Variants in ANKRD17 observed in about 807,000 individuals in gnomAD.
ANKRD17 encodes ankyrin repeat domain 17, also known as ankyrin repeat domain-containing protein 17.
ANKRD17 carries 19 observed loss-of-function variants against 229.7 expected under a neutral mutation model. That is an observed-to-expected ratio of 0.08 (90% CI 0.06 to 0.12). The LOEUF (loss-of-function observed/expected upper bound fraction) is 0.12. Ranked by LOEUF, ANKRD17 falls within the 10% of genes least tolerant of loss-of-function variation. ANKRD17 has a pLI of 1.00. For synonymous variants in ANKRD17, 1,112 were observed against 1,146.1 expected, an observed-to-expected ratio of 0.97 and a Z score of 0.60; for missense variants, 2,176 against 3,176.8, an observed-to-expected ratio of 0.68 and a Z score of 7.57.
Position 73,097,980 on chromosome 4 carries a change from CA to C in ANKRD17, c.5021+92del, listed in dbSNP as rs1723505794. 7.4e-6 allele frequency: 9 copies of C among 1,208,658 alleles called. No individual in the cohort carries two copies. The South Asian group carries it at 1.4e-4, about 19-fold the overall frequency. The allele number at this position is 1,208,658 out of a possible 1,614,324, so 74.9% of individuals were successfully genotyped here. A position where few individuals can be genotyped will look rare whatever the true frequency, so the allele number is the denominator to read the frequency against. On this transcript the variant is annotated intron_variant, in intron 26 of 33. Transcript: ENST00000358602. ...TAGCACAAAGAAAAATCCTATTTTG[CA>C]AGTTGCAAATTTACTTTCTTTACCA...
At chr4:73,209,008 C>A (rs1175181834) in intron 1 of ANKRD17, among the ~76,000 whole-genome samples, 6 of 152,100 alleles carry the variant, frequency 3.9e-5, no homozygotes, top group Admixed American at 3.9e-4. Flanking sequence ...GAGTTCGAAA[C>A]CAGCATGGTC....
Position 73,177,393 on chromosome 4 carries a change from T to C in ANKRD17, c.534A>G (p.Leu178=), listed in dbSNP as rs775996264. ...TAGAGTACATACCTGCAGCTTCTAG[T>C]AAAGCTTCCAGTCTAGCCTGTGTTT... ...DPETQARLEA[L]LEAAGIGKLS... Residue 178 remains leucine, a synonymous_variant, in exon 2 of 34, where the codon TTA becomes TTG. Transcript: ENST00000358602. 7 of 1,609,740 alleles carry C rather than the reference T, an allele frequency of 4.3e-6. No homozygotes were observed. The highest frequency in any genetic ancestry group is 5.1e-6 in the Non-Finnish European group (6 of 1,177,034).
At chr4:73,171,229 C>T (rs1168006513) in intron 2 of ANKRD17, among the ~76,000 whole-genome samples, 1 of 110,936 alleles carries the variant, frequency 9.0e-6, no homozygotes, top group African/African-American at 3.3e-5. Context: ...GAGACTGAGA[C>T]TCCATTTGTT....
intron 1 of ANKRD17, among the ~76,000 whole-genome samples, chr4:73,201,449 G>GA (rs1045239591): frequency 3.9e-4 from 57 of 146,780 alleles, no homozygotes; most frequent in African/African-American, 8.0e-4. Context: ...TAATAAAATA[G>GA]AAAAAAAAAC....
chr4:73,106,864 T>C (rs1274023305), intron 24 of ANKRD17, among the ~76,000 whole-genome samples: 2 of 106,142 alleles, frequency 1.9e-5, no homozygotes, highest in African/African-American at 7.7e-5. Context: ...GGCAATGGAG[T>C]GAGACTCCGT....
chr4:73,128,081 G>A (rs376558443), intron 16 of ANKRD17, among the ~76,000 whole-genome samples: 80 of 152,316 alleles, frequency 5.3e-4, no homozygotes, highest in South Asian at 3.7e-3. Context: ...ACTTAAATGA[G>A]TGACAGCTCT....
Position 73,153,892 on chromosome 4 carries a change from C to A in ANKRD17, c.1222G>T (p.Ala408Ser). Residue 408 changes from alanine to serine, a missense_variant, in exon 6 of 34, where the codon GCT (alanine) becomes TCT (serine). Physicochemically the swap from Ala to Ser is moderately conservative, Grantham distance 99 (BLOSUM62 1). Coordinates refer to ENST00000358602, the MANE Select transcript of ANKRD17 (RefSeq NM_032217.5). ...NEFKESALTL[A>S]CYKGHLEMVR... is the part of the protein sequence containing the mutation. The stretch of plus-strand genomic sequence containing the variant: ...GTTTATACTGTACCTTTGTAACAAG[C>A]TAAGGTAAGGGCACTCTCTTTAAAT... 6.3e-7 allele frequency: 1 copy of A among 1,587,428 alleles called. No homozygotes were observed. Among genetic ancestry groups the A allele is most frequent in the South Asian group, 1.2e-5 (1 of 86,220 alleles).
intron 16 of ANKRD17, among the ~76,000 whole-genome samples, chr4:73,128,849 T>G (rs923774916): frequency 5.9e-5 from 9 of 152,168 alleles, no homozygotes; most frequent in African/African-American, 2.2e-4. Context: ...ATCACTCTAT[T>G]TCTGAATACA....
chr4:73,216,462 C>T (rs973096620), intron 1 of ANKRD17, among the ~76,000 whole-genome samples: 11 of 152,136 alleles, frequency 7.2e-5, no homozygotes, highest in African/African-American at 2.2e-4. Context: ...ATCCCTGACG[C>T]TCAAATTTTC....
intron 1 of ANKRD17, among the ~76,000 whole-genome samples, chr4:73,203,957 G>GA (rs902725087): frequency 2.0e-4 from 31 of 152,024 alleles, no homozygotes; most frequent in African/African-American, 7.2e-4. Flanking sequence ...CCATGGGGGG[G>GA]AAAAAACCAT....
At chr4:73,082,217 C>G (rs1256740324) in intron 30 of ANKRD17, among the ~76,000 whole-genome samples, 1 of 150,496 alleles carries the variant, frequency 6.6e-6, no homozygotes, top group East Asian at 2.0e-4. Flanking sequence ...ATCTCAGCAT[C>G]TCTGCATTTT....
At chr4:73,251,556 A>G (rs1745029002) in intron 1 of ANKRD17, among the ~76,000 whole-genome samples, 1 of 128,428 alleles carries the variant, frequency 7.8e-6, no homozygotes, top group African/African-American at 3.4e-5. Context: ...AAAGCTGAAA[A>G]AAGTTAGGTT....
chr4:73,206,927 G>T (rs1359338062), intron 1 of ANKRD17, among the ~76,000 whole-genome samples: 3 of 152,084 alleles, frequency 2.0e-5, no homozygotes, highest in African/African-American at 7.2e-5. Flanking sequence ...GGGTTCAAGT[G>T]ATTCTCCAGC....
intron 1 of ANKRD17, among the ~76,000 whole-genome samples, chr4:73,239,945 T>C (rs1400575271): frequency 6.6e-6 from 1 of 152,218 alleles, no homozygotes; most frequent in Non-Finnish European, 1.5e-5. Context: ...TTATCTACAT[T>C]GTATCTTATA....
At chr4:73,207,740 GTA>G (rs1471647261) in intron 1 of ANKRD17, among the ~76,000 whole-genome samples, 1 of 152,178 alleles carries the variant, frequency 6.6e-6, no homozygotes, top group Admixed American at 6.5e-5. Context: ...CTCTAAATGT[GTA>G]TGTACCTCAT....
rs756284184 is a variant in ANKRD17 at position 73,141,787 on chromosome 4, G to T, written c.2286C>A (p.Asp762Glu). 6.2e-7 allele frequency: 1 copy of T among 1,613,972 alleles called. No homozygotes were observed. Among genetic ancestry groups the T allele is most frequent in the Non-Finnish European group, 8.5e-7 (1 of 1,179,960 alleles). The change falls in exon 14 of 34, where the codon GAC becomes GAA. Residue 762 changes from aspartate (D) to glutamate (E), a missense_variant. By Grantham distance (45) the Asp-to-Glu change is conservative (BLOSUM62 2). Coordinates refer to ENST00000358602, the MANE Select transcript of ANKRD17 (RefSeq NM_032217.5). ...TGGTGGCAACATTGGCAGGTGGTTT[G>T]TCAGGCTCCTGAGGTGGAACAACCA... The part of the protein sequence containing the change: ...LPMVVPPQEP[D>E]KPPANVATTL...
At chr4:73,211,847 C>CAAAA (rs567271450) in intron 1 of ANKRD17, among the ~76,000 whole-genome samples, 1 of 49,740 alleles carries the variant, frequency 2.0e-5, no homozygotes, top group African/African-American at 6.9e-5. Flanking sequence ...AACTCTGTCT[C>CAAAA]AAAAAAAAAA....
chr4:73,170,641 C>A (rs1733864330), intron 2 of ANKRD17, among the ~76,000 whole-genome samples: 1 of 151,274 alleles, frequency 6.6e-6, no homozygotes, highest in South Asian at 2.1e-4. Context: ...AGAGGGGGCC[C>A]ACTGTTCTGA....
At chr4:73,183,247 G>C (rs2149027001) in intron 1 of ANKRD17, among the ~76,000 whole-genome samples, 1 of 152,188 alleles carries the variant, frequency 6.6e-6, no homozygotes, top group Non-Finnish European at 1.5e-5. Context: ...TTTGAGACAA[G>C]AAATCTGAAT....
Sources: allele counts gnomAD v4.1 joint callset (sites outside exome capture counted in the v4.1 genomes callset), GRCh38; gene constraint gnomAD v4.1.1; transcripts MANE v1.5; gene names NCBI Gene and HGNC (gene_info 2026-07-23, HGNC 2026-07-21).